ELFN1: variants seen among roughly 807,000 people sequenced by gnomAD.
ELFN1 encodes protein ELFN1.
In ELFN1, 6 loss-of-function variants were observed where a neutral mutation model predicts 7.6. That is an observed-to-expected ratio of 0.79 (90% CI 0.43 to 1.56). The LOEUF (loss-of-function observed/expected upper bound fraction) is 1.56, where lower values mean the gene tolerates loss of function less well. Among genes scored for constraint, ELFN1 ranks in the 40% most tolerant of loss-of-function variants. The pLI is 0.01. For synonymous variants in ELFN1, 657 were observed against 588.1 expected (o/e 1.12, Z -1.70); for missense variants, 1,169 against 1,232.2 (o/e 0.95, Z 0.77).
At chr7:1,736,568 C>T (rs1343106537) in intron 3 of ELFN1, among the ~76,000 whole-genome samples, 4 of 152,354 alleles carry the variant, frequency 2.6e-5, no homozygotes, top group Admixed American at 6.5e-5. Context: ...CCACCTCACA[C>T]GCACTGTCCC....
At position 1,705,921 on chromosome 7, in the gene ELFN1, C is replaced by A. The variant is rs187347428; in HGVS notation, c.-455-3170C>A. Reference sequence around the variant, plus strand: ...AGGTTCCCCAGCCTGCGGTTCCAGACGAGATTGAACTGTGAGCCTTCACCC... The same window carrying A: ...AGGTTCCCCAGCCTGCGGTTCCAGAAGAGATTGAACTGTGAGCCTTCACCC... On this transcript the variant is annotated intron_variant, in intron 2 of 3. Transcript: ENST00000424383. The surrounding 1 kb of genome is among the most constrained non-coding windows in gnomAD (Gnocchi z 4.3). 1.3e-5 allele frequency among the ~76,000 whole-genome samples: 2 copies of A among 152,170 alleles called. No homozygotes were observed. Among genetic ancestry groups the A allele is most frequent in the African/African-American group, 4.8e-5 (2 of 41,418 alleles).
chr7:1,746,718 C>T lies in ELFN1; in HGVS notation c.2122C>T (p.Pro708Ser), dbSNP rs1780808963. ...RQYGEHRHSY[P>S]GSHPAEPPAP... ...GTACGGCGAGCACCGGCACTCGTAC[C>T]CCGGCTCCCACCCGGCCGAGCCACC... The change falls in exon 4 of 4, where the codon CCC becomes TCC. Residue 708 changes from proline (P) to serine (S), a missense_variant. By Grantham distance (74) the Pro-to-Ser change is moderately conservative (BLOSUM62 -1). Around this residue, in one of 2 missense-constraint regions of ELFN1, gnomAD observed 914 missense variants for 872.6 expected, o/e 1.05. Coordinates refer to ENST00000424383, the MANE Select transcript of ELFN1 (RefSeq NM_001128636.4). The T allele has an allele frequency of 2.0e-6, 3 of 1,478,302 alleles. No homozygotes were observed. In the South Asian group the frequency reaches 3.8e-5, roughly 19 times the overall value. The allele number at this position is 1,478,302 out of a possible 1,614,324, so 91.6% of individuals were successfully genotyped here. A position where few individuals can be genotyped will look rare whatever the true frequency, so the allele number is the denominator to read the frequency against.
At chr7:1,741,512 T>C (rs1780613215) in intron 3 of ELFN1, among the ~76,000 whole-genome samples, 1 of 152,084 alleles carries the variant, frequency 6.6e-6, no homozygotes, top group African/African-American at 2.4e-5. Context: ...GAGGTGAGGC[T>C]GCGTTCCCAG....
upstream of ELFN1, among the ~76,000 whole-genome samples, chr7:1,668,062 GCTGGGGTC>G (rs1259379920): frequency 6.6e-6 from 1 of 152,064 alleles, no homozygotes; most frequent in East Asian, 1.9e-4. Flanking sequence ...TTCGCTCTCT[GCTGGGGTC>G]CTGGCTCCTC....
intron 2 of ELFN1, among the ~76,000 whole-genome samples, chr7:1,703,963 A>G (rs1262877804): frequency 6.6e-6 from 1 of 152,222 alleles, no homozygotes; most frequent in Non-Finnish European, 1.5e-5. Context: ...AGGGCTCAGT[A>G]CAAATCCCGG....
intron 3 of ELFN1, among the ~76,000 whole-genome samples, chr7:1,731,877 T>C (rs1780332286): frequency 6.6e-6 from 1 of 152,230 alleles, no homozygotes; most frequent in Non-Finnish European, 1.5e-5. Context: ...CTGGAACTCC[T>C]GAGCTCAGGT....
chr7:1,728,912 C>T (rs1261371930), intron 3 of ELFN1, among the ~76,000 whole-genome samples: 1 of 152,200 alleles, frequency 6.6e-6, no homozygotes, highest in Non-Finnish European at 1.5e-5. Flanking sequence ...TTCATCATCT[C>T]ATGATGTCCA....
At chr7:1,698,446 G>A (rs1779362448) in intron 2 of ELFN1, among the ~76,000 whole-genome samples, 1 of 152,150 alleles carries the variant, frequency 6.6e-6, no homozygotes, top group African/African-American at 2.4e-5. Context: ...ATGGGGCGAG[G>A]GGGCCTGGCC....
chr7:1,743,953 G>A (rs1323259774), intron 3 of ELFN1, among the ~76,000 whole-genome samples: 4 of 152,208 alleles, frequency 2.6e-5, no homozygotes, highest in African/African-American at 9.6e-5. Context: ...CGCCGAGAGT[G>A]AAATGGGCTT....
Position 1,744,471 on chromosome 7 carries a change from C to T in ELFN1, c.-126C>T. The T allele has an allele frequency of 8.6e-7, 1 of 1,161,574 alleles. No homozygotes were observed. The highest frequency in any genetic ancestry group is 1.6e-5 in the African/African-American group (1 of 62,208). The allele number at this position is 1,161,574 out of a possible 1,614,324, so 72.0% of individuals were successfully genotyped here. ...CGTCGCGCGGCCATGCGGTTTGGGA[C>T]AGGACACCCCTGAGAGTGCAGGCAC... On this transcript the variant is annotated 5_prime_UTR_variant, in exon 4 of 4. Coordinates refer to ENST00000424383, the MANE Select transcript of ELFN1 (RefSeq NM_001128636.4).
At position 1,747,458 on chromosome 7, in the gene ELFN1, C is replaced by T. The variant is rs1299541192; in HGVS notation, c.*375C>T. ...TTCCTCTCTATCTCTTTACTTTCTTCCTTTTTTAAAAAAATATAATAAAAG... is the reference window on the plus strand; with the variant it reads ...TTCCTCTCTATCTCTTTACTTTCTTTCTTTTTTAAAAAAATATAATAAAAG... On this transcript the variant is annotated 3_prime_UTR_variant, in exon 4 of 4. Coordinates refer to ENST00000424383, the MANE Select transcript of ELFN1 (RefSeq NM_001128636.4). 1 of 175,986 alleles carries T rather than the reference C, an allele frequency of 5.7e-6. No individual in the cohort carries two copies. The highest frequency in any genetic ancestry group is 1.3e-5 in the Non-Finnish European group (1 of 76,044). 10.9% of individuals were successfully genotyped at this position (175,986 alleles called of 1,614,324 possible).
chr7:1,739,147 C>A lies in ELFN1; in HGVS notation c.-293-5157C>A, dbSNP rs1235928984. 1 of 152,180 alleles carries A rather than the reference C, an allele frequency of 6.6e-6. No homozygotes were observed. The highest frequency in any genetic ancestry group is 1.5e-5 in the Non-Finnish European group (1 of 68,104). 9.4% of individuals were successfully genotyped at this position (152,180 alleles called of 1,614,324 possible). On this transcript the variant is annotated intron_variant, in intron 3 of 3. Transcript: ENST00000424383. The surrounding 1 kb of genome is among the most constrained non-coding windows in gnomAD (Gnocchi z 4.6). The stretch of plus-strand genomic sequence containing the variant: ...CTCCACGCGTGGAGGACTGGACGCC[C>A]TCAGGGCTGCGCGGGGCCGCAGGAC...
chr7:1,743,635 C>T (rs1780692269), intron 3 of ELFN1, among the ~76,000 whole-genome samples: 1 of 152,174 alleles, frequency 6.6e-6, no homozygotes, highest in Non-Finnish European at 1.5e-5. Flanking sequence ...AGTCCCCGGA[C>T]AGGCCAGAAT....
rs180781642 is a variant in ELFN1, at chr7:1,676,365, G to A, written c.-549+6011G>A. 2.6e-4 allele frequency among the ~76,000 whole-genome samples: 39 copies of A among 152,288 alleles called. 1 individual carries two copies. The highest frequency in any genetic ancestry group is 2.5e-3 in the Admixed American group (39 of 15,306). Reference sequence around the variant, plus strand: ...TATCTGTCCTGTGGAATGGTGGAAGGGCTTGGCTGCAGATCATGGGGTGGC... The same window carrying A: ...TATCTGTCCTGTGGAATGGTGGAAGAGCTTGGCTGCAGATCATGGGGTGGC... On this transcript the variant is annotated intron_variant, in intron 1 of 3. Transcript: ENST00000424383.
At position 1,745,349 on chromosome 7, in the gene ELFN1, C is replaced by G. The variant is rs774207674; in HGVS notation, c.753C>G (p.Thr251=). 2.3e-4 allele frequency: 361 copies of G among 1,539,802 alleles called. 2 individuals carry two copies. Among genetic ancestry groups the G allele is most frequent in the Middle Eastern group, 8.3e-4 (5 of 6,010 alleles). ...TCAGCAAACTGCAGTCAGTCTGCAC[C>G]GAGGACTCGTACGCGGCTGAGGTGG... ...SILSKLQSVC[T]EDSYAAEVVG... is the part of the protein sequence containing the mutation. Residue 251 remains threonine, a synonymous_variant, in exon 4 of 4, where the codon ACC becomes ACG. Coordinates refer to ENST00000424383, the MANE Select transcript of ELFN1 (RefSeq NM_001128636.4).
chr7:1,691,588 C>T (rs1779165586), intron 2 of ELFN1, among the ~76,000 whole-genome samples: 1 of 152,204 alleles, frequency 6.6e-6, no homozygotes, highest in Non-Finnish European at 1.5e-5. Context: ...TTCCCAGCTT[C>T]AGGGATCCAG....
chr7:1,674,423 C>T (rs893608183), intron 1 of ELFN1, among the ~76,000 whole-genome samples: 1 of 152,172 alleles, frequency 6.6e-6, no homozygotes, highest in African/African-American at 2.4e-5. Context: ...GGACTCACGG[C>T]TTCCAGGCTC....
intron 2 of ELFN1, 100 bp from the exon 3 acceptor site, chr7:1,708,991 A>T (rs1055636219): frequency 1.3e-5 from 2 of 152,228 alleles, no homozygotes; most frequent in Non-Finnish European, 2.9e-5. Flanking sequence ...TGTGACTGAC[A>T]GCTGGTGGCT....
At chr7:1,678,449 T>A (rs993801764) in intron 1 of ELFN1, among the ~76,000 whole-genome samples, 2 of 152,174 alleles carry the variant, frequency 1.3e-5, no homozygotes, top group East Asian at 1.9e-4. Flanking sequence ...GGAGGTGCTG[T>A]GTGCCCATTT....
Sources: gnomAD v4.1 joint callset for allele counts (sites outside exome capture counted in the v4.1 genomes callset) on GRCh38, gnomAD v4.1.1 for gene constraint, gnomAD v4.1.1 regional missense constraint, Gnocchi (gnomAD v3.1) non-coding constraint, MANE v1.5 for transcripts, NCBI Gene and HGNC (gene_info 2026-07-23, HGNC 2026-07-21) for gene names.